SRGAP2: variants seen among roughly 807,000 people sequenced by gnomAD.
SRGAP2 encodes SLIT-ROBO Rho GTPase activating protein 2.
SRGAP2 carries 15 observed loss-of-function variants against 57.2 expected under a neutral mutation model. The ratio of observed to expected loss-of-function variants is 0.26; its 90% CI spans 0.18 to 0.40. SRGAP2 has a LOEUF of 0.40. SRGAP2 is among the 10% of genes least tolerant of loss of function. The pLI is 1.00. For missense variants in SRGAP2, 520 were observed against 669.6 expected, an observed-to-expected ratio of 0.78 and a Z score of 2.47; for synonymous variants, 249 against 248.0, an observed-to-expected ratio of 1.00 and a Z score of -0.04.
At chr1:206,414,864 C>G (rs1365228473) in intron 10 of SRGAP2, among the ~76,000 whole-genome samples, 1 of 152,188 alleles carries the variant, frequency 6.6e-6, no homozygotes. Flanking sequence ...TGCTCTAAAA[C>G]CTGCTATGTT....
chr1:206,249,486 C>T (rs1359998060), intron 2 of SRGAP2, among the ~76,000 whole-genome samples: 1 of 151,730 alleles, frequency 6.6e-6, no homozygotes, highest in Non-Finnish European at 1.5e-5. Context: ...AGCAAACTAA[C>T]ACAGGAACAG....
chr1:206,333,291 G>C (rs1387157039), intron 3 of SRGAP2: 1 of 1,172,850 alleles, frequency 8.5e-7, no homozygotes, highest in Non-Finnish European at 1.3e-6. Flanking sequence ...GTTCCTATTC[G>C]GCCATCTTGG....
At chr1:206,446,341 C>G in intron 18 of SRGAP2, 42 bp downstream of exon 18, 1 of 775,806 alleles carries the variant, frequency 1.3e-6, no homozygotes, top group Non-Finnish European at 2.4e-6. Context: ...GATTCACTAG[C>G]ACACACTGGC....
chr1:206,229,744 G>T (rs1667504712), intron 2 of SRGAP2, among the ~76,000 whole-genome samples: 1 of 151,714 alleles, frequency 6.6e-6, no homozygotes, highest in South Asian at 2.1e-4. Flanking sequence ...GATTTCTATA[G>T]CTTCTTTTAG....
intron 5 of SRGAP2, among the ~76,000 whole-genome samples, chr1:206,386,992 G>T (rs1433345843): frequency 6.6e-6 from 1 of 150,476 alleles, no homozygotes; most frequent in Non-Finnish European, 1.5e-5. Context: ...CAGGCATGGT[G>T]GTGGGCGCCT....
chr1:206,258,165 G>T (rs1357894221), intron 2 of SRGAP2, among the ~76,000 whole-genome samples: 3 of 150,912 alleles, frequency 2.0e-5, no homozygotes, highest in Admixed American at 6.6e-5. Context: ...TAAATCAGGG[G>T]TCAGCAAACT....
At chr1:206,252,897 T>C (rs1320794037) in intron 2 of SRGAP2, among the ~76,000 whole-genome samples, 1 of 93,358 alleles carries the variant, frequency 1.1e-5, no homozygotes, top group Non-Finnish European at 2.1e-5. Context: ...GTGCTGAAGC[T>C]GAGAGACTGG....
intron 2 of SRGAP2, among the ~76,000 whole-genome samples, chr1:206,292,583 C>T (rs1406528315): frequency 4.0e-5 from 6 of 149,282 alleles, no homozygotes; most frequent in Non-Finnish European, 7.4e-5. Flanking sequence ...CTTTGCCTTG[C>T]TGTCTTATTT....
intron 3 of SRGAP2, among the ~76,000 whole-genome samples, chr1:206,307,358 C>G (rs1291848463): frequency 6.6e-6 from 1 of 152,286 alleles, no homozygotes; most frequent in African/African-American, 2.4e-5. Context: ...CTCTCCATGT[C>G]CCCACCAGAC....
rs758857978 is a variant in SRGAP2 at position 206,432,957 on chromosome 1, C to T, written c.1555+2735C>T. Among the ~76,000 whole-genome samples the T allele has an allele frequency of 7.3e-4, 111 of 152,106 alleles. 1 individual carries two copies. The highest frequency in any genetic ancestry group is 2.8e-4 in the Non-Finnish European group (19 of 68,010). ...GCCGCCAAGCATTATAAGAGAATAT[C>T]GTACTATATTTTGCTAGCACAAGAA... On this transcript the variant is annotated intron_variant, in intron 14 of 22. Transcript: ENST00000573034.
intron 18 of SRGAP2, among the ~76,000 whole-genome samples, chr1:206,449,286 A>ATTTTTTTTT (rs35698284): frequency 2.4e-4 from 27 of 110,682 alleles, no homozygotes; most frequent in South Asian, 9.5e-4. Context: ...ACACTGGATG[A>ATTTTTTTTT]TTTTTTTTTT....
In SRGAP2 at chr1:206,206,325, G is replaced by T. The variant is rs1227917877; in HGVS notation, c.67+288G>T. 6.1e-5 allele frequency: 23 copies of T among 378,848 alleles called. 1 individual carries two copies. Among genetic ancestry groups the T allele is most frequent in the Non-Finnish European group, 1.1e-4 (23 of 206,862 alleles). The allele number at this position is 378,848 out of a possible 1,614,324, so 23.5% of individuals were successfully genotyped here. ...CAAGCCGGACAGGGTGGGGGGAGGGGCAGGAGGCTCTTAGAGAAAGGCAGT... is the reference window on the plus strand; with the variant it reads ...CAAGCCGGACAGGGTGGGGGGAGGGTCAGGAGGCTCTTAGAGAAAGGCAGT... On this transcript the variant is annotated intron_variant, in intron 2 of 22. Coordinates refer to ENST00000573034, the MANE Select transcript of SRGAP2 (RefSeq NM_015326.5).
chr1:206,231,822 GTCA>G (rs1667658046), intron 2 of SRGAP2, among the ~76,000 whole-genome samples: 1 of 151,886 alleles, frequency 6.6e-6, no homozygotes, highest in African/African-American at 2.4e-5. Context: ...ACAGATGTAA[GTCA>G]TCATGCCCGG....
chr1:206,292,794 C>G (rs1671400459), intron 2 of SRGAP2, among the ~76,000 whole-genome samples: 2 of 150,638 alleles, frequency 1.3e-5, no homozygotes, highest in Admixed American at 6.6e-5. Context: ...GCTGATGGCT[C>G]CCAAGTGTCT....
intron 2 of SRGAP2, among the ~76,000 whole-genome samples, chr1:206,226,618 T>C (rs879987033): frequency 6.6e-6 from 1 of 152,120 alleles, no homozygotes. Flanking sequence ...GAAGTAATGC[T>C]TGTGTATCAG....
intron 13 of SRGAP2, among the ~76,000 whole-genome samples, chr1:206,429,539 A>T (rs1661107665): frequency 6.6e-6 from 1 of 152,234 alleles, no homozygotes; most frequent in Non-Finnish European, 1.5e-5. Flanking sequence ...GGAGCAGCTC[A>T]TGCAAAGCCA....
intron 14 of SRGAP2, among the ~76,000 whole-genome samples, chr1:206,434,348 A>G (rs1356667328): frequency 1.3e-5 from 2 of 152,258 alleles, no homozygotes; most frequent in Admixed American, 6.5e-5. Flanking sequence ...TAACGTGAAC[A>G]TGAGATGGCT....
At chr1:206,244,887 T>C (rs1339649714) in intron 2 of SRGAP2, among the ~76,000 whole-genome samples, 38 of 151,388 alleles carry the variant, frequency 2.5e-4, no homozygotes, top group African/African-American at 7.0e-4. Context: ...TGATATAGAT[T>C]TATGAGAAAT....
At chr1:206,318,732 A>C (rs1404965920) in intron 3 of SRGAP2, among the ~76,000 whole-genome samples, 2 of 152,118 alleles carry the variant, frequency 1.3e-5, no homozygotes, top group Non-Finnish European at 2.9e-5. Context: ...AGTGGGAGTG[A>C]GAGTCGGGGG....
Sources: gnomAD v4.1 joint callset for allele counts (sites outside exome capture counted in the v4.1 genomes callset) on GRCh38, gnomAD v4.1.1 for gene constraint, MANE v1.5 for transcripts, NCBI Gene and HGNC (gene_info 2026-07-23, HGNC 2026-07-21) for gene names.